The following MYO9A variants were observed in gnomAD, a reference collection of about 807,000 sequenced individuals.
MYO9A encodes the protein myosin IXA, also known as unconventional myosin-IXa.
In MYO9A, 103 loss-of-function variants were observed where a neutral mutation model predicts 293.3. That is an observed-to-expected ratio of 0.35 (90% CI 0.30 to 0.41). The LOEUF is 0.41. Ranked by LOEUF, MYO9A falls within the 10% of genes least tolerant of loss-of-function variation. MYO9A has a pLI of 1.00. For missense variants in MYO9A, 2,685 were observed against 3,033.0 expected (o/e 0.89, Z 2.69); for synonymous variants, 1,001 against 1,035.7 (o/e 0.97, Z 0.64).
intron 35 of MYO9A, among the ~76,000 whole-genome samples, chr15:71,852,643 G>A (rs370474916): frequency 3.2e-4 from 49 of 152,206 alleles, no homozygotes; most frequent in Admixed American, 1.0e-3. Flanking sequence ...GATTACAGGC[G>A]TGAGCCACCA....
intron 32 of MYO9A, among the ~76,000 whole-genome samples, chr15:71,868,090 C>T (rs1284690654): frequency 6.6e-6 from 1 of 152,180 alleles, no homozygotes; most frequent in Admixed American, 6.5e-5. Flanking sequence ...TTTAGTCTCA[C>T]CAGGCTAAAA....
At position 71,827,481 on chromosome 15, in the gene MYO9A, T is replaced by C. The variant is rs1462361893; in HGVS notation, c.7183+403A>G. ...TATTGTGATTATTGGCTTTTCTCTG[T>C]GGTAAGTACAGGATAAAACATTAAA... On this transcript the variant is annotated intron_variant, in intron 41 of 41. Transcript: ENST00000356056. 3.7e-4 allele frequency among the ~76,000 whole-genome samples: 57 copies of C among 152,028 alleles called. 1 individual carries two copies. The highest frequency in any genetic ancestry group is 1.5e-5 in the Non-Finnish European group (1 of 68,004).
intron 13 of MYO9A, among the ~76,000 whole-genome samples, chr15:71,960,871 A>G (rs1294019138): frequency 6.6e-6 from 1 of 152,228 alleles, no homozygotes; most frequent in Non-Finnish European, 1.5e-5. Context: ...GGTAACACCT[A>G]TAACCTATAG....
chr15:71,950,584 A>G (rs549070550), intron 15 of MYO9A, among the ~76,000 whole-genome samples: 2 of 152,234 alleles, frequency 1.3e-5, no homozygotes, highest in African/African-American at 4.8e-5. Flanking sequence ...GCAACAATTA[A>G]GAATAATTTT....
intron 2 of MYO9A, among the ~76,000 whole-genome samples, chr15:72,037,244 G>A (rs569844700): frequency 7.7e-6 from 1 of 130,352 alleles, no homozygotes; most frequent in Non-Finnish European, 1.6e-5. Flanking sequence ...GCTTAAGGTG[G>A]CAATAACAGA....
At position 71,901,316 on chromosome 15, in the gene MYO9A, G is replaced by A. The variant is rs1208720210; in HGVS notation, c.3025C>T (p.Gln1009Ter). 6.2e-7 allele frequency: 1 copy of A among 1,613,552 alleles called. No homozygotes were observed. The highest frequency in any genetic ancestry group is 1.7e-5 in the Admixed American group (1 of 59,900). The part of the protein sequence containing the change: ...TMVFLKEQER[Q>*]HLQDLLHQEV... ...TGGTGAAGCAGATCTTGTAAGTGCT[G>A]TCGTTCCTGCTCCTTTAGAAAGACC... is the stretch of plus-strand genomic sequence containing the variant. Residue 1009 changes from glutamine to a stop codon, truncating the protein, a stop_gained, in exon 23 of 42, where the codon CAG becomes TAG. Transcript: ENST00000356056. LOFTEE classifies it high-confidence loss of function.
intron 9 of MYO9A, among the ~76,000 whole-genome samples, chr15:71,996,709 T>C (rs1044247281): frequency 1.3e-5 from 2 of 152,150 alleles, no homozygotes; most frequent in Admixed American, 1.3e-4. Context: ...TTTAAATCCA[T>C]ACATTTCTCC....
chr15:72,077,213 A>C (rs2079381358), intron 1 of MYO9A, among the ~76,000 whole-genome samples: 1 of 152,172 alleles, frequency 6.6e-6, no homozygotes. Context: ...CAGCCTTGGC[A>C]ATGACGTTTT....
chr15:71,828,581 T>C lies in MYO9A; in HGVS notation c.7041-555A>G, dbSNP rs150227971. On this transcript the variant is annotated intron_variant, in intron 40 of 41. Transcript: ENST00000356056. ...CTGTCCTTTGAAGCTTATGCCATCTTCAGTTGTCGTATTCTCTAGTCTCCC... is the reference window on the plus strand; with the variant it reads ...CTGTCCTTTGAAGCTTATGCCATCTCCAGTTGTCGTATTCTCTAGTCTCCC... 5.7e-3 allele frequency among the ~76,000 whole-genome samples: 872 copies of C among 152,270 alleles called. 4 individuals carry two copies. The highest frequency in any genetic ancestry group is 6.8e-3 in the Non-Finnish European group (463 of 68,004).
At chr15:72,024,529 C>T (rs368092508) in intron 4 of MYO9A, among the ~76,000 whole-genome samples, 15 of 152,238 alleles carry the variant, frequency 9.9e-5, no homozygotes, top group African/African-American at 3.6e-4. Context: ...ACCTTGGCTT[C>T]CCCAAAGTGC....
At chr15:72,070,423 G>A (rs979628183) in intron 1 of MYO9A, among the ~76,000 whole-genome samples, 1 of 151,442 alleles carries the variant, frequency 6.6e-6, no homozygotes, top group Non-Finnish European at 1.5e-5. Context: ...ACTGTACTCT[G>A]GCCTGGGCAA....
chr15:71,998,982 CCAA>C (rs1470338675), intron 9 of MYO9A: 2 of 152,058 alleles, frequency 1.3e-5, no homozygotes, highest in Non-Finnish European at 2.9e-5. Flanking sequence ...CTATCAATGT[CCAA>C]CAAAGATTTG....
chr15:72,072,786 A>G (rs2079234458), intron 1 of MYO9A, among the ~76,000 whole-genome samples: 4 of 152,118 alleles, frequency 2.6e-5, no homozygotes, highest in Admixed American at 1.3e-4. Context: ...AAAACTACCT[A>G]TTGGGTATTA....
At chr15:72,019,648 A>ATTGTTTATATTAAT (rs2077443018) in intron 5 of MYO9A, among the ~76,000 whole-genome samples, 1 of 152,242 alleles carries the variant, frequency 6.6e-6, no homozygotes, top group Non-Finnish European at 1.5e-5. Flanking sequence ...ATATATTAAT[A>ATTGTTTATATTAAT]CAAAGTCATT....
At chr15:72,113,263 G>A (rs1172348661) in intron 1 of MYO9A, among the ~76,000 whole-genome samples, 2 of 152,080 alleles carry the variant, frequency 1.3e-5, no homozygotes, top group African/African-American at 4.8e-5. Context: ...AACTTAATCT[G>A]AAAAGAGGTA....
chr15:71,887,544 A>T (rs2057056997), intron 27 of MYO9A, among the ~76,000 whole-genome samples: 1 of 152,002 alleles, frequency 6.6e-6, no homozygotes, highest in Non-Finnish European at 1.5e-5. Flanking sequence ...TTTCCCCATA[A>T]ATTTACCTTC....
chr15:72,020,259 T>G (rs2077465827), intron 5 of MYO9A, among the ~76,000 whole-genome samples: 1 of 152,204 alleles, frequency 6.6e-6, no homozygotes, highest in Admixed American at 6.5e-5. Flanking sequence ...ATTCCATTAG[T>G]GCTGGTTGTA....
At chr15:71,951,694 T>C (rs112287797) in intron 15 of MYO9A, 83 bp downstream of exon 15, 2 of 1,543,662 alleles carry the variant, frequency 1.3e-6, no homozygotes, top group Non-Finnish European at 1.8e-6. Context: ...ATACAATCTA[T>C]ATCCCACCCT....
chr15:72,108,687 T>C (rs984167410), intron 1 of MYO9A, among the ~76,000 whole-genome samples: 4 of 152,178 alleles, frequency 2.6e-5, no homozygotes, highest in Non-Finnish European at 5.9e-5. Context: ...AATAGCACAC[T>C]GGTGATACGA....
Sources: gnomAD v4.1 joint callset for allele counts (sites outside exome capture counted in the v4.1 genomes callset) on GRCh38, gnomAD v4.1.1 for gene constraint, MANE v1.5 for transcripts, NCBI Gene and HGNC (gene_info 2026-07-23, HGNC 2026-07-21) for gene names.